ANTXR1: variants seen among roughly 807,000 people sequenced by gnomAD.
The protein encoded by ANTXR1 is ANTXR cell adhesion molecule 1.
ANTXR1 carries 19 observed loss-of-function variants against 78.1 expected under a neutral mutation model. The ratio of observed to expected loss-of-function variants is 0.24; its 90% CI spans 0.17 to 0.36. The LOEUF is 0.36. Among genes scored for constraint, ANTXR1 ranks in the 10% least tolerant of loss-of-function variants. ANTXR1 has a pLI of 1.00. For synonymous variants in ANTXR1, 273 were observed against 260.5 expected (o/e 1.05, Z -0.46); for missense variants, 518 against 718.6 (o/e 0.72, Z 3.19).
chr2:69,035,883 A>C (rs1200186827), intron 1 of ANTXR1, among the ~76,000 whole-genome samples: 1 of 152,208 alleles, frequency 6.6e-6, no homozygotes, highest in East Asian at 1.9e-4. Context: ...TATATTTTGG[A>C]TCTTTCCCTA....
chr2:69,125,862 A>T (rs1403438367), intron 12 of ANTXR1, among the ~76,000 whole-genome samples: 1 of 152,024 alleles, frequency 6.6e-6, no homozygotes, highest in Admixed American at 6.6e-5. Flanking sequence ...AAAAAAAGAC[A>T]TCAGCCCCTA....
At chr2:69,226,674 T>C (rs1217172478) in intron 17 of ANTXR1, among the ~76,000 whole-genome samples, 1 of 152,082 alleles carries the variant, frequency 6.6e-6, no homozygotes, top group African/African-American at 2.4e-5. Context: ...AGAAATGAAG[T>C]AGAGGTCATA....
rs748843822 is a variant in ANTXR1, at chr2:69,198,187, T to C, written c.1434+4772T>C. 5.4e-4 allele frequency among the ~76,000 whole-genome samples: 82 copies of C among 152,332 alleles called. 1 individual carries two copies. Among genetic ancestry groups the C allele is most frequent in the Non-Finnish European group, 1.1e-3 (74 of 68,022 alleles). ...CAAATTTTTAAAGCTTTGATACAAATGGCCAAATAATTGCCCTTCAAAAGA... is the reference window on the plus strand; with the variant it reads ...CAAATTTTTAAAGCTTTGATACAAACGGCCAAATAATTGCCCTTCAAAAGA... On this transcript the variant is annotated intron_variant, in intron 17 of 17. Coordinates refer to ENST00000303714, the MANE Select transcript of ANTXR1 (RefSeq NM_032208.3).
At chr2:69,183,360 C>T (rs565188534) in intron 16 of ANTXR1, among the ~76,000 whole-genome samples, 8 of 152,064 alleles carry the variant, frequency 5.3e-5, no homozygotes, top group Non-Finnish European at 1.2e-4. Context: ...AAGTGTAAAC[C>T]GTTGGAGGCA....
rs144600541 is a variant in ANTXR1 at position 69,099,837 on chromosome 2, A to G, written c.704-3005A>G. ...GATATGTTATTTATTCAATCACTCAATGAGCTCATCCTGAGACTGACTCAG... is the reference window on the plus strand; with the variant it reads ...GATATGTTATTTATTCAATCACTCAGTGAGCTCATCCTGAGACTGACTCAG... On this transcript the variant is annotated intron_variant, in intron 9 of 17. Transcript: ENST00000303714. 2.2e-3 allele frequency among the ~76,000 whole-genome samples: 331 copies of G among 152,312 alleles called. 3 individuals are homozygous for G. The highest frequency in any genetic ancestry group is 7.3e-3 in the African/African-American group (302 of 41,556).
At chr2:69,029,054 C>T (rs944549284) in intron 1 of ANTXR1, among the ~76,000 whole-genome samples, 1 of 146,584 alleles carries the variant, frequency 6.8e-6, no homozygotes, top group East Asian at 2.0e-4. Context: ...CCCCCCCCTC[C>T]ATCTCTACTA....
intron 10 of ANTXR1, among the ~76,000 whole-genome samples, chr2:69,106,976 G>A (rs1671828919): frequency 6.6e-6 from 1 of 152,200 alleles, no homozygotes; most frequent in South Asian, 2.1e-4. Flanking sequence ...AAGCAGATTT[G>A]CAGAAGAACT....
chr2:69,023,122 C>T (rs1036088587), intron 1 of ANTXR1, among the ~76,000 whole-genome samples: 2 of 152,208 alleles, frequency 1.3e-5, no homozygotes, highest in Non-Finnish European at 2.9e-5. Context: ...AGCATTGTGA[C>T]CTTGGGCAAA....
At chr2:69,240,884 T>C (rs1675878897) in intron 17 of ANTXR1, among the ~76,000 whole-genome samples, 1 of 152,166 alleles carries the variant, frequency 6.6e-6, no homozygotes, top group South Asian at 2.1e-4. Flanking sequence ...GACACTAATG[T>C]ACCTGGACGT....
chr2:69,091,000 G>A, intron 9 of ANTXR1, 81 bp downstream of exon 9: 5 of 1,395,994 alleles, frequency 3.6e-6, no homozygotes, highest in South Asian at 3.5e-5. Context: ...TTCATTGTTG[G>A]TGGGGTGGGA....
chr2:69,158,248 C>T (rs1266885139), intron 13 of ANTXR1, among the ~76,000 whole-genome samples: 2 of 152,178 alleles, frequency 1.3e-5, no homozygotes, highest in African/African-American at 4.8e-5. Context: ...CTCTTTGGGG[C>T]TCATTAAACA....
rs78852651 is a variant in ANTXR1, at chr2:69,094,167, G to A, written c.703+3248G>A. 1.0e-3 allele frequency among the ~76,000 whole-genome samples: 153 copies of A among 152,342 alleles called. 2 individuals are homozygous for A. In the East Asian group the frequency reaches 0.028, roughly 28 times the overall value. On this transcript the variant is annotated intron_variant, in intron 9 of 17. Transcript: ENST00000303714. ...AGATAGAGCGAGGCGTAGCCCCTCT[G>A]TGACTTTCATTAAGCTAGTTCAAAG...
intron 10 of ANTXR1, among the ~76,000 whole-genome samples, chr2:69,107,729 G>T (rs2104334747): frequency 6.6e-6 from 1 of 152,284 alleles, no homozygotes; most frequent in Non-Finnish European, 1.5e-5. Context: ...AGACAACTTT[G>T]AAGACAGAGG....
In ANTXR1 at chr2:69,100,340, A is replaced by G. The variant is rs994776708; in HGVS notation, c.704-2502A>G. On this transcript the variant is annotated intron_variant, in intron 9 of 17. Transcript: ENST00000303714. Reference sequence around the variant, plus strand: ...ATGTGTGCACTAACACAGAAACCCTATCAGGCAGGATGGGAGCTCGCCTCT... The same window carrying G: ...ATGTGTGCACTAACACAGAAACCCTGTCAGGCAGGATGGGAGCTCGCCTCT... Among the ~76,000 whole-genome samples the G allele has an allele frequency of 3.9e-5, 6 of 152,222 alleles. No homozygotes were observed. In the East Asian group the frequency reaches 7.7e-4, roughly 20 times the overall value.
chr2:69,168,829 C>T (rs184995960), intron 13 of ANTXR1, among the ~76,000 whole-genome samples: 1 of 152,194 alleles, frequency 6.6e-6, no homozygotes, highest in Non-Finnish European at 1.5e-5. Context: ...TTTCACCAGG[C>T]GTCTCACAGC....
At position 69,166,817 on chromosome 2, in the gene ANTXR1, G is replaced by T. The variant is rs970491758; in HGVS notation, c.1048-3431G>T. Among the ~76,000 whole-genome samples the T allele has an allele frequency of 2.0e-5, 3 of 152,342 alleles. No homozygotes were observed. In the East Asian group the frequency reaches 5.8e-4, roughly 29 times the overall value. ...AGCCTGAGCTTGGAAGCTGATTCTAGCTTGCATTCTAGTTGGAAACAGAGG... is the reference window on the plus strand; with the variant it reads ...AGCCTGAGCTTGGAAGCTGATTCTATCTTGCATTCTAGTTGGAAACAGAGG... On this transcript the variant is annotated intron_variant, in intron 13 of 17. Coordinates refer to ENST00000303714, the MANE Select transcript of ANTXR1 (RefSeq NM_032208.3).
At chr2:69,065,205 C>T (rs1670361409) in intron 3 of ANTXR1, among the ~76,000 whole-genome samples, 1 of 152,048 alleles carries the variant, frequency 6.6e-6, no homozygotes, top group Admixed American at 6.6e-5. Context: ...GCGGGCGGAT[C>T]ACAAGGTCAG....
In ANTXR1 at chr2:69,138,105, AAAAG is replaced by A. The variant is rs199617883; in HGVS notation, c.951+13470_951+13473del. On this transcript the variant is annotated intron_variant, in intron 12 of 17. Transcript: ENST00000303714. ...ATCTCAAAAAAAAAAGAAAAAAAAA[AAAAG>A]AAAGAAAAAAGAAAAAAAAATTGGT... Among the ~76,000 whole-genome samples, 964 of 151,752 alleles carry A rather than the reference AAAAG, an allele frequency of 6.4e-3. 15 individuals are homozygous for A. Among genetic ancestry groups the A allele is most frequent in the African/African-American group, 0.022 (908 of 41,300 alleles).
intron 12 of ANTXR1, among the ~76,000 whole-genome samples, chr2:69,141,009 T>TATAATACCC (rs1158192386): frequency 1.3e-5 from 2 of 152,210 alleles, no homozygotes; most frequent in African/African-American, 4.8e-5. Flanking sequence ...TTGATCAGCT[T>TATAATACCC]TGATCAAGGA....
Sources: gnomAD v4.1 joint callset for allele counts (sites outside exome capture counted in the v4.1 genomes callset) on GRCh38, gnomAD v4.1.1 for gene constraint, MANE v1.5 for transcripts, NCBI Gene and HGNC (gene_info 2026-07-23, HGNC 2026-07-21) for gene names.